Variants in AHNAK2 observed in about 807,000 individuals in gnomAD.
The protein encoded by AHNAK2 is AHNAK nucleoprotein 2.
In AHNAK2, 18 loss-of-function variants were observed where a neutral mutation model predicts 30.7. The ratio of observed to expected loss-of-function variants is 0.59; its 90% CI spans 0.41 to 0.87. The LOEUF (loss-of-function observed/expected upper bound fraction) is 0.87. Ranked by LOEUF, AHNAK2 falls within the 40% of genes least tolerant of loss-of-function variation. The probability of loss-of-function intolerance (pLI) is 0.00; values close to 1 mark genes in which losing one functional copy is unlikely to be tolerated. For synonymous variants in AHNAK2, 3,590 were observed against 3,073.8 expected, an observed-to-expected ratio of 1.17 and a Z score of -5.56; for missense variants, 8,604 against 7,373.0, an observed-to-expected ratio of 1.17 and a Z score of -6.11.
intron 1 of AHNAK2, among the ~76,000 whole-genome samples, chr14:104,968,993 C>T (rs1024856385): frequency 2.0e-5 from 3 of 152,220 alleles, no homozygotes; most frequent in African/African-American, 7.2e-5. Context: ...TTGGGCCTCA[C>T]CCAGTCGTGG....
In AHNAK2 at chr14:104,945,651, A is replaced by C. The variant is rs752302451; in HGVS notation, c.9800T>G (p.Val3267Gly). The C allele has an allele frequency of 1.9e-6, 3 of 1,576,454 alleles. No individual in the cohort carries two copies. Among genetic ancestry groups the C allele is most frequent in the Non-Finnish European group, 2.6e-6 (3 of 1,155,174 alleles). The stretch of plus-strand genomic sequence containing the variant: ...CTCCATGCTGGGCTGAGACACCTCC[A>C]CGTCGGGGGCCGTCACATCCATCTT... ...GPKMDVTAPD[V>G]EVSQPSMEVD... The change falls in exon 7 of 7, where the codon GTG (valine) becomes GGG (glycine). Residue 3267 changes from valine to glycine, a missense_variant. Coordinates refer to ENST00000333244, the MANE Select transcript of AHNAK2 (RefSeq NM_138420.4).
chr14:104,941,906 G>T lies in AHNAK2; in HGVS notation c.13545C>A (p.Ala4515=). Residue 4515 remains alanine, a synonymous_variant, in exon 7 of 7, where the codon GCC becomes GCA. Coordinates refer to ENST00000333244, the MANE Select transcript of AHNAK2 (RefSeq NM_138420.4). The part of the protein sequence containing the change: ...DLKTTDLRIQ[A]PSADLEVQAG... ...CCTGGACCTCCAGGTCGGCGGAAGG[G>T]GCCTGAATGCGGAGGTCAGTGGTCT... 1.9e-6 allele frequency: 3 copies of T among 1,613,484 alleles called. No individual in the cohort carries two copies. Among genetic ancestry groups the T allele is most frequent in the Non-Finnish European group, 2.5e-6 (3 of 1,179,654 alleles).
At chr14:104,975,047 G>A (rs564650058) in intron 1 of AHNAK2, among the ~76,000 whole-genome samples, 1 of 152,222 alleles carries the variant, frequency 6.6e-6, no homozygotes, top group Non-Finnish European at 1.5e-5. Flanking sequence ...GCAACCCAGG[G>A]GACTTCCCAG....
rs1037078732 is a variant in AHNAK2 at position 104,978,288 on chromosome 14, G to C, written c.-51C>G. ...GGCGGCCCGTCGCGTCCAGTCGCTG[G>C]TCCCGGCTCCGGCGCACGGGGCGGG... On this transcript the variant is annotated 5_prime_UTR_variant, in exon 1 of 7. Coordinates refer to ENST00000333244, the MANE Select transcript of AHNAK2 (RefSeq NM_138420.4). 1 of 1,078,394 alleles carries C rather than the reference G, an allele frequency of 9.3e-7. No homozygotes were observed. Among genetic ancestry groups the C allele is most frequent in the Non-Finnish European group, 1.1e-6 (1 of 875,334 alleles). 66.8% of individuals were successfully genotyped at this position (1,078,394 alleles called of 1,614,324 possible). A position where few individuals can be genotyped will look rare whatever the true frequency, so the allele number is the denominator to read the frequency against.
rs1439428628 is a variant in AHNAK2 at position 104,954,453 on chromosome 14, C to T, written c.998G>A (p.Gly333Glu). The T allele has an allele frequency of 6.2e-7, 1 of 1,612,782 alleles. No homozygotes were observed. Among genetic ancestry groups the T allele is most frequent in the East Asian group, 2.2e-5 (1 of 44,856 alleles). ...CTGTCCTGTCGATGAAGGGCCCTGT[C>T]CCGAGCCTGTCCTGAATCTGAGGTT... The part of the protein sequence containing the change: ...FLNLRFRTGS[G>E]QGPSSTGQPG... The change falls in exon 7 of 7, where the codon GGA becomes GAA. Residue 333 changes from glycine (G) to glutamate (E), a missense_variant. Physicochemically the swap from Gly to Glu is moderately conservative, Grantham distance 98. Transcript: ENST00000333244. This position sits in a 1 kb window ranked among gnomAD's most constrained non-coding sequence, Gnocchi z 4.3.
Position 104,951,431 on chromosome 14 carries a change from C to T in AHNAK2, c.4020G>A (p.Val1340=), listed in dbSNP as rs2396458. ...CCTCAATGGACTTGCCTGGGGCAGA[C>T]ACCCCGAACGACGGCATCTTGAACT... is the stretch of plus-strand genomic sequence containing the variant. ...MPKFKMPSFG[V]SAPGKSIEAS... is the part of the protein sequence containing the mutation. Residue 1340 remains valine (V), a synonymous_variant, in exon 7 of 7, where the codon GTG becomes GTA. Coordinates refer to ENST00000333244, the MANE Select transcript of AHNAK2 (RefSeq NM_138420.4). 3.2e-5 allele frequency: 40 copies of T among 1,233,812 alleles called. 10 individuals are homozygous for T. Among genetic ancestry groups the T allele is most frequent in the Middle Eastern group, 2.5e-4 (1 of 3,940 alleles). 76.4% of individuals were successfully genotyped at this position (1,233,812 alleles called of 1,614,324 possible).
In AHNAK2 at chr14:104,948,434, G is replaced by C. The variant is rs1427901059; in HGVS notation, c.7017C>G (p.Ala2339=). 3.7e-6 allele frequency: 6 copies of C among 1,611,016 alleles called. No individual in the cohort carries two copies. The highest frequency in any genetic ancestry group is 4.2e-6 in the Non-Finnish European group (5 of 1,178,856). Residue 2339 remains alanine (A), a synonymous_variant, in exon 7 of 7, where the codon GCC becomes GCG. Coordinates refer to ENST00000333244, the MANE Select transcript of AHNAK2 (RefSeq NM_138420.4). ...CCTTCAACGCAGACACATCCGCTGA[G>C]GCCTCGATGGACTTGCCAAGGGCAG... ...GVSALGKSIE[A]SADVSALKVE...
At position 104,946,886 on chromosome 14, in the gene AHNAK2, A is replaced by G. The variant is rs55797226; in HGVS notation, c.8565T>C (p.Asp2855=). 0.54 allele frequency: 867,656 copies of G among 1,610,410 alleles called. 236,776 individuals carry two copies. Among genetic ancestry groups the G allele is most frequent in the Middle Eastern group, 0.67 (4,046 of 6,050 alleles). ...ADGSFPSMQG[D]LKTTDIRIQP... ...GAATGCGGATGTCAGTGGTCTTAAG[A>G]TCCCCTTGCATGGAGGGGAAGCTCC... The change falls in exon 7 of 7, where the codon GAT becomes GAC. Residue 2855 remains aspartate (D), a synonymous_variant. Coordinates refer to ENST00000333244, the MANE Select transcript of AHNAK2 (RefSeq NM_138420.4).
chr14:104,966,952 G>GCCACTTACCCAAGGGGAC lies in AHNAK2; in HGVS notation c.56-9298_56-9281dup, dbSNP rs1405680273. ...TGAAAACTGAGGCTGGGGGAGGGGA[G>GCCACTTACCCAAGGGGAC]CCACTTACCCAAGGGGACCCAGCCA... On this transcript the variant is annotated intron_variant, in intron 1 of 6. Transcript: ENST00000333244. This position sits in a 1 kb window ranked among gnomAD's most constrained non-coding sequence, Gnocchi z 4.3. Among the ~76,000 whole-genome samples, 4 of 152,190 alleles carry GCCACTTACCCAAGGGGAC rather than the reference G, an allele frequency of 2.6e-5. No individual in the cohort carries two copies. Among genetic ancestry groups the GCCACTTACCCAAGGGGAC allele is most frequent in the African/African-American group, 9.7e-5 (4 of 41,444 alleles).
In AHNAK2 at chr14:104,948,289, C is replaced by T; in HGVS notation, c.7162G>A (p.Glu2388Lys). ...QAGQVDVKLP[E>K]GPVPEGAGLK... ...CCGGCTCCCTCCGGCACGGGGCCCT[C>T]TGGGAGTTTCACATCCACTTGGCCA... The change falls in exon 7 of 7, where the codon GAG becomes AAG. Residue 2388 changes from glutamate to lysine, a missense_variant. Physicochemically the swap from Glu to Lys is moderately conservative, Grantham distance 56. Coordinates refer to ENST00000333244, the MANE Select transcript of AHNAK2 (RefSeq NM_138420.4). 6.2e-7 allele frequency: 1 copy of T among 1,612,544 alleles called. No homozygotes were observed. Among genetic ancestry groups the T allele is most frequent in the Non-Finnish European group, 8.5e-7 (1 of 1,179,562 alleles).
chr14:104,970,725 C>G (rs369342088), intron 1 of AHNAK2, among the ~76,000 whole-genome samples: 7 of 152,182 alleles, frequency 4.6e-5, no homozygotes, highest in South Asian at 2.1e-4. Context: ...TGCCCACCCC[C>G]AGCCTGAGCA....
chr14:104,949,772 C>G lies in AHNAK2; in HGVS notation c.5679G>C (p.Glu1893Asp). 1 of 1,587,630 alleles carries G rather than the reference C, an allele frequency of 6.3e-7. No homozygotes were observed. ...QAGQVDMKLP[E>D]GQVPEGAGLK... Reference sequence around the variant, plus strand: ...GGCCGGCTCCCTCGGGCACCTGGCCCTCCGGGAGCTTCATGTCCACTTGGC... The same window carrying G: ...GGCCGGCTCCCTCGGGCACCTGGCCGTCCGGGAGCTTCATGTCCACTTGGC... Residue 1893 changes from glutamate (E) to aspartate (D), a missense_variant, in exon 7 of 7, where the codon GAG becomes GAC. Transcript: ENST00000333244.
Position 104,949,520 on chromosome 14 carries a change from G to A in AHNAK2, c.5931C>T (p.Ala1977=), listed in dbSNP as rs199939320. ...GARLEGDLSL[A]DKDMTAKDSK... ...TGTCTTTGGCAGTCATGTCCTTGTC[G>A]GCCAGGGACAGGTCTCCCTCCAGCC... The change falls in exon 7 of 7, where the codon GCC becomes GCT. Residue 1977 remains alanine (A), a synonymous_variant. Coordinates refer to ENST00000333244, the MANE Select transcript of AHNAK2 (RefSeq NM_138420.4). 2,599 of 1,587,918 alleles carry A rather than the reference G, an allele frequency of 1.6e-3. 257 individuals are homozygous for A. The highest frequency in any genetic ancestry group is 2.0e-3 in the Non-Finnish European group (2,353 of 1,162,928).
rs758053805 is a variant in AHNAK2, at chr14:104,938,404, G to T, written c.17047C>A (p.Pro5683Thr). 1.9e-6 allele frequency: 3 copies of T among 1,613,806 alleles called. No individual in the cohort carries two copies. Among genetic ancestry groups the T allele is most frequent in the African/African-American group, 1.3e-5 (1 of 74,912 alleles). The change falls in exon 7 of 7, where the codon CCA becomes ACA. Residue 5683 changes from proline to threonine, a missense_variant. Physicochemically the swap from Pro to Thr is conservative, Grantham distance 38. Transcript: ENST00000333244. ...TGTTTTTTAGGCAGTTCTGCCTCTG[G>T]TCGTGCCTCAGGCTGTGTTTGAATG... ...APIQTQPEAR[P>T]EAELPKKQEK...
rs372136894 is a variant in AHNAK2, at chr14:104,950,084, C to A, written c.5367G>T (p.Val1789=). ...APDVEVSLPS[V]EVDVEAPGAK... ...CTCCTGGAGCCTCGACGTCCACCTC[C>A]ACGCTGGGCAGAGACACCTCCACGT... Residue 1789 remains valine, a synonymous_variant, in exon 7 of 7, where the codon GTG becomes GTT. Transcript: ENST00000333244. 8 of 1,587,230 alleles carry A rather than the reference C, an allele frequency of 5.0e-6. 1 individual carries two copies. In the African/African-American group the frequency reaches 1.1e-4, roughly 22 times the overall value.
rs1319102827 is a variant in AHNAK2 at position 104,941,397 on chromosome 14, T to A, written c.14054A>T (p.Asn4685Ile). The change falls in exon 7 of 7, where the codon AAC becomes ATC. Residue 4685 changes from asparagine (N) to isoleucine (I), a missense_variant. Coordinates refer to ENST00000333244, the MANE Select transcript of AHNAK2 (RefSeq NM_138420.4). ...AACTTCTCCAACAGCAAGCCCCAAGTTACCATCGCGAGATGGATCATGAAG... is the reference window on the plus strand; with the variant it reads ...AACTTCTCCAACAGCAAGCCCCAAGATACCATCGCGAGATGGATCATGAAG... ...GDLHDPSRDGNLGLAVGEVGM... is the reference protein window; with the variant it reads ...GDLHDPSRDGILGLAVGEVGM... 1 of 1,613,332 alleles carries A rather than the reference T, an allele frequency of 6.2e-7. No homozygotes were observed. Among genetic ancestry groups the A allele is most frequent in the Non-Finnish European group, 8.5e-7 (1 of 1,179,860 alleles).
Position 104,942,152 on chromosome 14 carries a change from G to A in AHNAK2, c.13299C>T (p.Ile4433=), listed in dbSNP as rs187601560. 1.9e-5 allele frequency: 31 copies of A among 1,613,180 alleles called. No individual in the cohort carries two copies. The Admixed American group carries it at 5.2e-4, about 27-fold the overall frequency. The change falls in exon 7 of 7, where the codon ATC becomes ATT. Residue 4433 remains isoleucine (I), a synonymous_variant. Coordinates refer to ENST00000333244, the MANE Select transcript of AHNAK2 (RefSeq NM_138420.4). ...DVSLPSMEVD[I]QAPGAKLDST... The stretch of plus-strand genomic sequence containing the variant: ...TGTCCAGCTTGGCTCCTGGGGCTTG[G>A]ATGTCCACCTCCATGCTGGGCAGAG...
chr14:104,969,435 C>T (rs1448924936), intron 1 of AHNAK2, among the ~76,000 whole-genome samples: 1 of 152,256 alleles, frequency 6.6e-6, no homozygotes, highest in African/African-American at 2.4e-5. Flanking sequence ...TGGGCTTTCC[C>T]AGGCTGTCTT....
Position 104,947,042 on chromosome 14 carries a change from G to C in AHNAK2, c.8409C>G (p.Asp2803Glu). The C allele has an allele frequency of 6.2e-7, 1 of 1,612,332 alleles. No individual in the cohort carries two copies. Among genetic ancestry groups the C allele is most frequent in the Non-Finnish European group, 8.5e-7 (1 of 1,179,588 alleles). ...TGCTGTCTTTGGCTGTCATGCCCTT[G>C]TCGGCCAGGGACAGGTCCCCCTCCA... ...ARLEGDLSLA[D>E]KGMTAKDSKF... Residue 2803 changes from aspartate to glutamate, a missense_variant, in exon 7 of 7, where the codon GAC becomes GAG. Coordinates refer to ENST00000333244, the MANE Select transcript of AHNAK2 (RefSeq NM_138420.4).
Sources: gnomAD v4.1 joint callset for allele counts (sites outside exome capture counted in the v4.1 genomes callset) on GRCh38, gnomAD v4.1.1 for gene constraint, Gnocchi (gnomAD v3.1) non-coding constraint, MANE v1.5 for transcripts, NCBI Gene and HGNC (gene_info 2026-07-23, HGNC 2026-07-21) for gene names.